Variants in SCAPER observed in about 807,000 individuals in gnomAD.
The protein encoded by SCAPER is S-phase cyclin A associated protein in the ER.
In SCAPER, 98 loss-of-function variants were observed where a neutral mutation model predicts 182.2. That is an observed-to-expected ratio of 0.54 (90% CI 0.46 to 0.64). The LOEUF (loss-of-function observed/expected upper bound fraction) is 0.64. Ranked by LOEUF, SCAPER falls within the 30% of genes least tolerant of loss-of-function variation. The pLI, the probability that SCAPER is intolerant of heterozygous loss-of-function variation, is 0.00. For missense variants in SCAPER, 1,432 were observed against 1,690.0 expected, an observed-to-expected ratio of 0.85 and a Z score of 2.68; for synonymous variants, 605 against 564.6, an observed-to-expected ratio of 1.07 and a Z score of -1.01.
At chr15:76,665,622 T>C in intron 21 of SCAPER, 31 bp downstream of exon 21, 1 of 1,555,030 alleles carries the variant, frequency 6.4e-7, no homozygotes, top group Non-Finnish European at 8.6e-7. Context: ...ACTAAAAGTT[T>C]TTCTTTTGCT....
chr15:76,447,577 G>A (rs1223764650), intron 25 of SCAPER, among the ~76,000 whole-genome samples: 1 of 152,136 alleles, frequency 6.6e-6, no homozygotes, highest in African/African-American at 2.4e-5. Context: ...ACTTGGCTTG[G>A]TGTGTGTGTC....
chr15:76,787,441 G>A (rs548892786), intron 8 of SCAPER, among the ~76,000 whole-genome samples: 60 of 152,102 alleles, frequency 3.9e-4, no homozygotes, highest in African/African-American at 1.3e-3. Context: ...CTGGAATGCG[G>A]CGATCCTCCA....
At chr15:76,551,901 T>C (rs2045803307) in intron 23 of SCAPER, among the ~76,000 whole-genome samples, 1 of 152,034 alleles carries the variant, frequency 6.6e-6, no homozygotes, top group Admixed American at 6.6e-5. Flanking sequence ...TGTTGCTTGG[T>C]CAGTTTCCAT....
chr15:76,844,271 G>GAAAAAAAAA (rs34092470), intron 4 of SCAPER, among the ~76,000 whole-genome samples: 1 of 125,352 alleles, frequency 8.0e-6, no homozygotes, highest in Non-Finnish European at 1.6e-5. Context: ...ACAGAAAGAG[G>GAAAAAAAAA]AAAAAAAAAA....
At chr15:76,615,737 T>C (rs1244403239) in intron 22 of SCAPER, among the ~76,000 whole-genome samples, 1 of 151,200 alleles carries the variant, frequency 6.6e-6, no homozygotes, top group Non-Finnish European at 1.5e-5. Flanking sequence ...GGAGAATTAC[T>C]TGAACCCGGG....
chr15:76,697,444 AC>A, intron 20 of SCAPER, among the ~76,000 whole-genome samples: 1 of 152,224 alleles, frequency 6.6e-6, no homozygotes. Flanking sequence ...TGCTATGGCT[AC>A]AAAAATTAGA....
intron 21 of SCAPER, among the ~76,000 whole-genome samples, chr15:76,650,895 A>G (rs1597927678): frequency 6.6e-6 from 1 of 152,164 alleles, no homozygotes; most frequent in East Asian, 1.9e-4. Flanking sequence ...ATGTTTGGAA[A>G]TTCAACAAAA....
intron 25 of SCAPER, among the ~76,000 whole-genome samples, chr15:76,439,101 A>G (rs2047390872): frequency 6.7e-6 from 1 of 148,880 alleles, no homozygotes; most frequent in African/African-American, 2.4e-5. Context: ...TTTTTTTTTT[A>G]AGAAGATAGA....
At chr15:76,783,898 G>A (rs1016309718) in intron 8 of SCAPER, among the ~76,000 whole-genome samples, 2 of 152,122 alleles carry the variant, frequency 1.3e-5, no homozygotes, top group Non-Finnish European at 2.9e-5. Flanking sequence ...AATAATAAGA[G>A]CTATTTATGA....
At chr15:76,508,895 AC>A (rs2041812150) in intron 23 of SCAPER, among the ~76,000 whole-genome samples, 2 of 152,158 alleles carry the variant, frequency 1.3e-5, no homozygotes, top group African/African-American at 4.8e-5. Context: ...AGGGTTGTCT[AC>A]CATAGATTTT....
Position 76,726,155 on chromosome 15 carries a change from A to ATATATATATATATATATATATATATATAT in SCAPER, c.2165+2439_2165+2440insATATATATATATATATATATATATATATA, listed in dbSNP as rs1491513286. Among the ~76,000 whole-genome samples the ATATATATATATATATATATATATATATAT allele has an allele frequency of 4.1e-5, 4 of 97,332 alleles. 1 individual carries two copies. Among genetic ancestry groups the ATATATATATATATATATATATATATATAT allele is most frequent in the Admixed American group, 1.2e-4 (1 of 8,318 alleles). The allele number at this position is 97,332 out of a possible 152,430, so 63.9% of individuals were successfully genotyped here. A position where few individuals can be genotyped will look rare whatever the true frequency, so the allele number is the denominator to read the frequency against. ...TATATATATATATATATATATATAT[A>ATATATATATATATATATATATATATATAT]AAAAACTCTATAACCCAACAAGAAA... On this transcript the variant is annotated intron_variant, in intron 17 of 31. Transcript: ENST00000563290.
chr15:76,664,873 A>T (rs528173441), intron 21 of SCAPER, among the ~76,000 whole-genome samples: 34 of 152,338 alleles, frequency 2.2e-4, no homozygotes, highest in Middle Eastern at 3.4e-3. Context: ...ATTGATCATT[A>T]TCTAAACACT....
chr15:76,713,458 G>T (rs2059706433), intron 17 of SCAPER, among the ~76,000 whole-genome samples: 1 of 151,990 alleles, frequency 6.6e-6, no homozygotes. Flanking sequence ...CATAAAAAAT[G>T]ATGAGTTCAT....
intron 29 of SCAPER, among the ~76,000 whole-genome samples, chr15:76,372,799 G>A (rs2042271556): frequency 6.6e-6 from 1 of 151,966 alleles, no homozygotes; most frequent in Non-Finnish European, 1.5e-5. Flanking sequence ...ACAAGATAAA[G>A]CCATACAGCC....
intron 23 of SCAPER, among the ~76,000 whole-genome samples, chr15:76,524,935 A>C (rs1844978144): frequency 6.6e-6 from 1 of 151,846 alleles, no homozygotes; most frequent in South Asian, 2.1e-4. Flanking sequence ...AGACTAAACT[A>C]ATACATGATT....
At chr15:76,611,198 T>TG (rs1418587797) in intron 22 of SCAPER, among the ~76,000 whole-genome samples, 3 of 151,644 alleles carry the variant, frequency 2.0e-5, no homozygotes, top group African/African-American at 4.8e-5. Flanking sequence ...GTTAGGAAAA[T>TG]GGAGTATCCT....
chr15:76,378,598 G>A (rs2042728287), intron 28 of SCAPER, among the ~76,000 whole-genome samples: 1 of 152,234 alleles, frequency 6.6e-6, no homozygotes. Flanking sequence ...TATGTAGACA[G>A]ATGTGTTGCT....
intron 10 of SCAPER, among the ~76,000 whole-genome samples, chr15:76,770,698 A>G (rs11634136): frequency 0.075 from 11,428 of 152,174 alleles, 582 homozygotes; most frequent in Non-Finnish European, 0.11. Context: ...TTAAAATTTG[A>G]TTCTCACAGA....
At chr15:76,817,033 G>A (rs543248662) in intron 5 of SCAPER, among the ~76,000 whole-genome samples, 1 of 152,254 alleles carries the variant, frequency 6.6e-6, no homozygotes, top group East Asian at 1.9e-4. Context: ...CATGCAACTG[G>A]TAGCACCATA....
Sources: allele counts gnomAD v4.1 joint callset (sites outside exome capture counted in the v4.1 genomes callset), GRCh38; gene constraint gnomAD v4.1.1; transcripts MANE v1.5; gene names NCBI Gene and HGNC (gene_info 2026-07-23, HGNC 2026-07-21).